The following GLRA1 variants were observed in gnomAD, a reference collection of about 807,000 sequenced individuals.
GLRA1 encodes the protein glycine receptor alpha 1, also known as glycine receptor subunit alpha-1.
In GLRA1, 37 loss-of-function variants were observed where a neutral mutation model predicts 48.3. The observed-to-expected ratio is 0.77, with a 90% CI of 0.59 to 1.01. The LOEUF is 1.01. GLRA1 is among the 50% of genes least tolerant of loss of function. The pLI, the probability that GLRA1 is intolerant of heterozygous loss-of-function variation, is 0.00. For missense variants in GLRA1, 427 were observed against 571.0 expected (o/e 0.75, Z 2.57); for synonymous variants, 196 against 210.7 (o/e 0.93, Z 0.60).
At chr5:151,863,923 C>T (rs1753266973) in intron 3 of GLRA1, among the ~76,000 whole-genome samples, 1 of 152,164 alleles carries the variant, frequency 6.6e-6, no homozygotes, top group Non-Finnish European at 1.5e-5. Context: ...AATTTAATTG[C>T]AGCCTCTCCC....
Position 151,851,496 on chromosome 5 carries a change from G to A in GLRA1, c.806C>T (p.Ser269Phe). The A allele has an allele frequency of 6.2e-7, 1 of 1,613,786 alleles. No individual in the cohort carries two copies. Among genetic ancestry groups the A allele is most frequent in the Non-Finnish European group, 8.5e-7 (1 of 1,179,662 alleles). The change falls in exon 7 of 9, where the codon TCC (serine) becomes TTC (phenylalanine). Residue 269 changes from serine (S) to phenylalanine (F), a missense_variant. This residue lies in a region of GLRA1 where 271 missense variants were observed against 434.9 expected (regional missense o/e 0.62). Coordinates refer to ENST00000274576, the MANE Select transcript of GLRA1 (RefSeq NM_000171.4). ...SLLIVILSWI[S>F]FWINMDAAPA... ...TGCAGCATCCATGTTGATCCAGAAG[G>A]AGATCCATGAGAGGATGACAATGAG...
rs767818727 is a variant in GLRA1, at chr5:151,892,357, C to T, written c.138G>A (p.Met46Ile). The T allele has an allele frequency of 1.2e-6, 2 of 1,614,026 alleles. No individual in the cohort carries two copies. The highest frequency in any genetic ancestry group is 1.7e-6 in the Non-Finnish European group (2 of 1,179,906). ...TGGCATCATATCCGGAGGTTCTCCCCATTAGCTTATCCAGGAAATCCGAGG... is the reference window on the plus strand; with the variant it reads ...TGGCATCATATCCGGAGGTTCTCCCTATTAGCTTATCCAGGAAATCCGAGG... ...MSPSDFLDKL[M>I]GRTSGYDARI... Residue 46 changes from methionine to isoleucine, a missense_variant, in exon 2 of 9, where the codon ATG becomes ATA. Coordinates refer to ENST00000274576, the MANE Select transcript of GLRA1 (RefSeq NM_000171.4).
Position 151,828,063 on chromosome 5 carries a change from G to A in GLRA1, c.1059+858C>T, listed in dbSNP as rs79311625. Among the ~76,000 whole-genome samples, 210 of 152,028 alleles carry A rather than the reference G, an allele frequency of 1.4e-3. 2 individuals are homozygous for A. In the East Asian group the frequency reaches 0.015, roughly 11 times the overall value. On this transcript the variant is annotated intron_variant, in intron 8 of 8. Coordinates refer to ENST00000274576, the MANE Select transcript of GLRA1 (RefSeq NM_000171.4). ...AGCTTGCGATTTGGTGGAAGAGATC[G>A]GCTTTAAAAAAATCACATCATTGAA...
intron 1 of GLRA1, among the ~76,000 whole-genome samples, chr5:151,906,701 T>C (rs1049539336): frequency 6.6e-6 from 1 of 152,220 alleles, no homozygotes; most frequent in Admixed American, 6.5e-5. Context: ...TCCAAAACAC[T>C]ACATGAGGTA....
rs189212730 is a variant in GLRA1 at position 151,849,006 on chromosome 5, G to C, written c.912+2384C>G. Reference sequence around the variant, plus strand: ...ATCGATGGTACTGGAGAAGGATGGCGCTGCAAGACCCAGACTCTGGACAGT... The same window carrying C: ...ATCGATGGTACTGGAGAAGGATGGCCCTGCAAGACCCAGACTCTGGACAGT... On this transcript the variant is annotated intron_variant, in intron 7 of 8. Coordinates refer to ENST00000274576, the MANE Select transcript of GLRA1 (RefSeq NM_000171.4). The C allele has an allele frequency of 8.7e-4, 583 of 670,346 alleles. 9 individuals carry two copies. The Admixed American group carries it at 0.01, about 12-fold the overall frequency. The allele number at this position is 670,346 out of a possible 1,614,324, so 41.5% of individuals were successfully genotyped here.
At position 151,878,361 on chromosome 5, in the gene GLRA1, G is replaced by T. The variant is rs374850101; in HGVS notation, c.252+8360C>A. On this transcript the variant is annotated intron_variant, in intron 3 of 8. Transcript: ENST00000274576. ...TGTTAAAGGCACTCGGTTTTATAAGGGAAGCAGAGCATAAAAATTTGGAAA... is the reference window on the plus strand; with the variant it reads ...TGTTAAAGGCACTCGGTTTTATAAGTGAAGCAGAGCATAAAAATTTGGAAA... Among the ~76,000 whole-genome samples, 4 of 152,092 alleles carry T rather than the reference G, an allele frequency of 2.6e-5. No homozygotes were observed. The South Asian group carries it at 6.2e-4, about 24-fold the overall frequency.
intron 1 of GLRA1, among the ~76,000 whole-genome samples, chr5:151,911,697 C>T (rs1313736042): frequency 6.6e-6 from 1 of 151,012 alleles, no homozygotes; most frequent in Non-Finnish European, 1.5e-5. Flanking sequence ...GCTCCACCTC[C>T]CGGGTTCACG....
chr5:151,861,571 GTTGT>G (rs1272914782), intron 3 of GLRA1, among the ~76,000 whole-genome samples: 27 of 152,104 alleles, frequency 1.8e-4, no homozygotes, highest in African/African-American at 5.8e-4. Flanking sequence ...TTTTGATGGG[GTTGT>G]TTGTTTTTTT....
Position 151,840,576 on chromosome 5 carries a change from A to C in GLRA1, c.912+10814T>G, listed in dbSNP as rs373256286. 6.6e-5 allele frequency among the ~76,000 whole-genome samples: 10 copies of C among 152,292 alleles called. 1 individual carries two copies. Among genetic ancestry groups the C allele is most frequent in the African/African-American group, 2.2e-4 (9 of 41,588 alleles). The stretch of plus-strand genomic sequence containing the variant: ...AACTAATTGAAAGTTAGAGATTGTC[A>C]GACTGGATTAAAAAATAAAATGCAA... On this transcript the variant is annotated intron_variant, in intron 7 of 8. Transcript: ENST00000274576.
At chr5:151,921,735 C>T (rs1428706429) in intron 1 of GLRA1, among the ~76,000 whole-genome samples, 2 of 152,190 alleles carry the variant, frequency 1.3e-5, no homozygotes, top group African/African-American at 2.4e-5. Flanking sequence ...TTTGACCAGT[C>T]TGGCTACAGG....
chr5:151,881,492 ATTTTT>A (rs3033233), intron 3 of GLRA1, among the ~76,000 whole-genome samples: 4 of 116,834 alleles, frequency 3.4e-5, no homozygotes, highest in Middle Eastern at 4.4e-3. Flanking sequence ...ATGCCCTGCA[ATTTTT>A]TTTTTTTTTT....
chr5:151,896,662 G>C (rs1374956789), intron 1 of GLRA1, among the ~76,000 whole-genome samples: 1 of 152,122 alleles, frequency 6.6e-6, no homozygotes, highest in African/African-American at 2.4e-5. Flanking sequence ...TTTACCAGCT[G>C]TTTCCTGATA....
rs182548146 is a variant in GLRA1 at position 151,922,678 on chromosome 5, G to T, written c.56+1816C>A. On this transcript the variant is annotated intron_variant, in intron 1 of 8. Coordinates refer to ENST00000274576, the MANE Select transcript of GLRA1 (RefSeq NM_000171.4). Reference sequence around the variant, plus strand: ...TTAGGCCACCACCAGCTTAGTTGAAGAATTAACACAGTGGATTCATAACCT... The same window carrying T: ...TTAGGCCACCACCAGCTTAGTTGAATAATTAACACAGTGGATTCATAACCT... Among the ~76,000 whole-genome samples, 269 of 152,348 alleles carry T rather than the reference G, an allele frequency of 1.8e-3. 2 individuals carry two copies. The highest frequency in any genetic ancestry group is 6.3e-3 in the African/African-American group (262 of 41,576).
intron 4 of GLRA1, among the ~76,000 whole-genome samples, chr5:151,859,342 G>A (rs576275550): frequency 6.6e-6 from 1 of 152,254 alleles, no homozygotes; most frequent in African/African-American, 2.4e-5. Context: ...AAAGTTTGGG[G>A]GATAGATTTT....
At chr5:151,850,594 CA>C in intron 7 of GLRA1, 26 of 1,469,964 alleles carry the variant, frequency 1.8e-5, no homozygotes, top group Non-Finnish European at 1.9e-6. Flanking sequence ...ATGAAACCTC[CA>C]ACATCAACGA....
intron 3 of GLRA1, 36 bp from the exon 4 acceptor site, chr5:151,860,044 A>G: frequency 6.6e-7 from 1 of 1,518,804 alleles, no homozygotes; most frequent in Non-Finnish European, 9.1e-7. Flanking sequence ...AGGCAATGTT[A>G]GGCCCAAGGA....
chr5:151,839,595 C>T (rs1176520735), intron 7 of GLRA1, among the ~76,000 whole-genome samples: 1 of 152,112 alleles, frequency 6.6e-6, no homozygotes, highest in Non-Finnish European at 1.5e-5. Flanking sequence ...TCCTTACCCC[C>T]ATTATGACTG....
In GLRA1 at chr5:151,901,358, A is replaced by C. The variant is rs139849122; in HGVS notation, c.57-8920T>G. 5.9e-5 allele frequency among the ~76,000 whole-genome samples: 9 copies of C among 152,320 alleles called. 1 individual carries two copies. Among genetic ancestry groups the C allele is most frequent in the Admixed American group, 1.3e-4 (2 of 15,302 alleles). ...CGGTGAAAGAATGCTTGGCTTAAGC[A>C]TGGGGGCATCAAGTGGCCCTCAGAT... On this transcript the variant is annotated intron_variant, in intron 1 of 8. Transcript: ENST00000274576.
chr5:151,849,137 TTTCTTTCTTTC>T lies in GLRA1; in HGVS notation c.912+2242_912+2252del, dbSNP rs1447640020. 1.8e-3 allele frequency: 359 copies of T among 200,614 alleles called. 1 individual carries two copies. Among genetic ancestry groups the T allele is most frequent in the Middle Eastern group, 2.9e-3 (2 of 686 alleles). 12.4% of individuals were successfully genotyped at this position (200,614 alleles called of 1,614,324 possible). On this transcript the variant is annotated intron_variant, in intron 7 of 8. Transcript: ENST00000274576. ...CTTTCTTTCTTTCTTTCTTTCTTTC[TTTCTTTCTTTC>T]TTTCTTTTCTTTTCTTTTCTTTCTT... is the stretch of plus-strand genomic sequence containing the variant.
Sources: gnomAD v4.1 joint callset for allele counts (sites outside exome capture counted in the v4.1 genomes callset) on GRCh38, gnomAD v4.1.1 for gene constraint, gnomAD v4.1.1 regional missense constraint, MANE v1.5 for transcripts, NCBI Gene and HGNC (gene_info 2026-07-23, HGNC 2026-07-21) for gene names.